FARS2: variants seen among roughly 807,000 people sequenced by gnomAD.
FARS2 encodes phenylalanyl-tRNA synthetase 2, mitochondrial, also known as phenylalanine--tRNA ligase, mitochondrial.
Under a neutral mutation model 46.4 loss-of-function variants are expected in FARS2, and 40 were observed. The observed-to-expected ratio is 0.86, with a 90% CI of 0.67 to 1.12. The LOEUF (loss-of-function observed/expected upper bound fraction) is 1.12. Ranked by LOEUF, FARS2 falls within the 50% of genes most tolerant of loss-of-function variation. FARS2 has a pLI of 0.00. For synonymous variants in FARS2, 234 were observed against 214.9 expected (o/e 1.09, Z -0.78); for missense variants, 513 against 567.9 (o/e 0.90, Z 0.98).
Position 5,765,922 on chromosome 6 carries a change from C to T in FARS2, c.1218-5369C>T, listed in dbSNP as rs370742076. Among the ~76,000 whole-genome samples the T allele has an allele frequency of 6.6e-5, 10 of 152,226 alleles. No individual in the cohort carries two copies. Among genetic ancestry groups the T allele is most frequent in the African/African-American group, 2.4e-4 (10 of 41,550 alleles). On this transcript the variant is annotated intron_variant, in intron 6 of 6. Transcript: ENST00000274680. This position sits in a 1 kb window ranked among gnomAD's most constrained non-coding sequence, Gnocchi z 4.0. ...AATAAACTGGTGACAATGGAAGCCC[C>T]AGAGGTTCAAACATTCTAAGATGCC...
At chr6:5,257,953 T>C (rs895446593), upstream of FARS2, among the ~76,000 whole-genome samples, 2 of 151,356 alleles carry the variant, frequency 1.3e-5, no homozygotes, top group African/African-American at 2.4e-5. Context: ...GGGATGGGAG[T>C]GGAAGCTGTG....
chr6:5,639,961 C>A (rs538016779), intron 6 of FARS2, among the ~76,000 whole-genome samples: 5 of 152,302 alleles, frequency 3.3e-5, no homozygotes, highest in African/African-American at 1.2e-4. Flanking sequence ...AAATTCTCAG[C>A]TCATCTGGTG....
chr6:5,481,364 C>T (rs1397670399), intron 4 of FARS2, among the ~76,000 whole-genome samples: 1 of 152,198 alleles, frequency 6.6e-6, no homozygotes. Flanking sequence ...TTAAGGCTGC[C>T]CATGGTGTTG....
At chr6:5,329,603 C>T (rs1202498513) in intron 1 of FARS2, among the ~76,000 whole-genome samples, 5 of 152,202 alleles carry the variant, frequency 3.3e-5, no homozygotes, top group African/African-American at 4.8e-5. Flanking sequence ...GCAGTAGAAT[C>T]TCCAGTTAAA....
chr6:5,299,515 G>A (rs1481587616), intron 1 of FARS2, among the ~76,000 whole-genome samples: 1 of 152,188 alleles, frequency 6.6e-6, no homozygotes, highest in African/African-American at 2.4e-5. Context: ...AGCTTATTCG[G>A]TTGAAAGTTC....
chr6:5,731,511 G>A (rs1760621834), intron 6 of FARS2, among the ~76,000 whole-genome samples: 1 of 152,110 alleles, frequency 6.6e-6, no homozygotes, highest in Non-Finnish European at 1.5e-5. Flanking sequence ...AGAAGCCATG[G>A]GCGCCATTCT....
At chr6:5,584,094 CTCTT>C (rs1214491083) in intron 5 of FARS2, among the ~76,000 whole-genome samples, 9 of 136,920 alleles carry the variant, frequency 6.6e-5, no homozygotes, top group African/African-American at 2.2e-4. Flanking sequence ...CATTCTCTCT[CTCTT>C]TCTCTCTCTG....
intron 4 of FARS2, among the ~76,000 whole-genome samples, chr6:5,531,558 C>T (rs1464865242): frequency 1.3e-5 from 2 of 152,130 alleles, no homozygotes; most frequent in East Asian, 3.9e-4. Flanking sequence ...GCTTGTAAGA[C>T]CCAGAGACTC....
intron 4 of FARS2, chr6:5,452,818 A>T (rs1271361756): frequency 1.3e-5 from 2 of 152,172 alleles, no homozygotes; most frequent in Admixed American, 1.3e-4. Flanking sequence ...CAAGGGGGGA[A>T]ATAGATTCTG....
chr6:5,379,360 T>C (rs1759602444), intron 2 of FARS2, among the ~76,000 whole-genome samples: 1 of 152,156 alleles, frequency 6.6e-6, no homozygotes, highest in Admixed American at 6.5e-5. Context: ...AATTCTGATA[T>C]GGAAACCGCA....
intron 1 of FARS2, among the ~76,000 whole-genome samples, chr6:5,278,050 T>G (rs1766460316): frequency 6.6e-6 from 1 of 152,194 alleles, no homozygotes; most frequent in African/African-American, 2.4e-5. Flanking sequence ...TAATCTAAAT[T>G]ATCATCTCAC....
At chr6:5,326,775 G>A (rs1581790538) in intron 1 of FARS2, among the ~76,000 whole-genome samples, 1 of 152,352 alleles carries the variant, frequency 6.6e-6, no homozygotes, top group East Asian at 1.9e-4. Context: ...GGTCATCACA[G>A]TGGGTTGTGG....
Position 5,601,806 on chromosome 6 carries a change from G to A in FARS2, c.1066-11363G>A, listed in dbSNP as rs193036846. 1.1e-3 allele frequency among the ~76,000 whole-genome samples: 165 copies of A among 152,182 alleles called. 1 individual carries two copies. Among genetic ancestry groups the A allele is most frequent in the African/African-American group, 3.4e-3 (141 of 41,520 alleles). ...CTCTGGCACACAGCACCCCACAAAC[G>A]GTGACCATTGGTAATCATATAATCA... On this transcript the variant is annotated intron_variant, in intron 5 of 6. Coordinates refer to ENST00000274680, the MANE Select transcript of FARS2 (RefSeq NM_006567.5).
In FARS2 at chr6:5,545,317, A is replaced by G; in HGVS notation, c.1042A>G (p.Ile348Val). The G allele has an allele frequency of 6.2e-7, 1 of 1,613,880 alleles. No homozygotes were observed. The highest frequency in any genetic ancestry group is 8.5e-7 in the Non-Finnish European group (1 of 1,179,812). Reference sequence around the variant, plus strand: ...CCTGAAGCAGTTCTGTGTATCCAACATTAATCAGAAGGTGAAGTTTCAGGT... The same window carrying G: ...CCTGAAGCAGTTCTGTGTATCCAACGTTAATCAGAAGGTGAAGTTTCAGGT... ...RFLKQFCVSNINQKVKFQPLS... is the reference protein window; with the variant it reads ...RFLKQFCVSNVNQKVKFQPLS... The change falls in exon 5 of 7, where the codon ATT (isoleucine) becomes GTT (valine). Residue 348 changes from isoleucine to valine, a missense_variant. By Grantham distance (29) the Ile-to-Val change is conservative (BLOSUM62 3). Transcript: ENST00000274680.
upstream of FARS2, among the ~76,000 whole-genome samples, chr6:5,259,767 G>A (rs542522405): frequency 1.3e-3 from 193 of 152,206 alleles, no homozygotes; most frequent in African/African-American, 4.5e-3. Flanking sequence ...TGGGAATATG[G>A]CTCAAACTCA....
intron 1 of FARS2, among the ~76,000 whole-genome samples, chr6:5,287,445 C>T (rs1174355689): frequency 6.6e-6 from 1 of 152,144 alleles, no homozygotes; most frequent in African/African-American, 2.4e-5. Context: ...CTCTTTTTAT[C>T]CTGATTCTCT....
intron 5 of FARS2, among the ~76,000 whole-genome samples, chr6:5,572,596 C>T (rs1183824472): frequency 6.6e-6 from 1 of 152,068 alleles, no homozygotes; most frequent in African/African-American, 2.4e-5. Context: ...CCACAGCTTC[C>T]TTGCCCACCT....
At chr6:5,675,753 A>G (rs1385197267) in intron 6 of FARS2, among the ~76,000 whole-genome samples, 1 of 152,234 alleles carries the variant, frequency 6.6e-6, no homozygotes, top group Non-Finnish European at 1.5e-5. Flanking sequence ...TCAGAGGTGA[A>G]TAAAATAAAC....
chr6:5,751,618 G>T (rs947098238), intron 6 of FARS2, among the ~76,000 whole-genome samples: 1 of 152,150 alleles, frequency 6.6e-6, no homozygotes, highest in African/African-American at 2.4e-5. Context: ...CTGCCCACTA[G>T]TGCCAGGGGT....
Sources: gnomAD v4.1 joint callset for allele counts (sites outside exome capture counted in the v4.1 genomes callset) on GRCh38, gnomAD v4.1.1 for gene constraint, Gnocchi (gnomAD v3.1) non-coding constraint, MANE v1.5 for transcripts, NCBI Gene and HGNC (gene_info 2026-07-23, HGNC 2026-07-21) for gene names.